GRIP2: variants seen among roughly 807,000 people sequenced by gnomAD.
GRIP2 encodes glutamate receptor interacting protein 2.
In GRIP2, 58 loss-of-function variants were observed where a neutral mutation model predicts 108.3. That is an observed-to-expected ratio of 0.54 (90% CI 0.43 to 0.67). The LOEUF (loss-of-function observed/expected upper bound fraction) is 0.67, where lower values mean the gene tolerates loss of function less well. Among genes scored for constraint, GRIP2 ranks in the 30% least tolerant of loss-of-function variants. The pLI is 0.00. For synonymous variants in GRIP2, 586 were observed against 598.2 expected (o/e 0.98, Z 0.30); for missense variants, 1,278 against 1,430.6 (o/e 0.89, Z 1.72).
intron 1 of GRIP2, among the ~76,000 whole-genome samples, chr3:14,555,169 AGGCTGG>A (rs1695216423): frequency 6.6e-6 from 1 of 152,026 alleles, no homozygotes; most frequent in African/African-American, 2.4e-5. Flanking sequence ...CACCCGGCAC[AGGCTGG>A]GGCTCAGCAC....
In GRIP2 at chr3:14,507,511, G is replaced by T; in HGVS notation, c.2218+50C>A. The T allele has an allele frequency of 1.3e-6, 2 of 1,599,386 alleles. No homozygotes were observed. The highest frequency in any genetic ancestry group is 1.7e-6 in the Non-Finnish European group (2 of 1,168,008). On this transcript the variant is annotated intron_variant, in intron 18 of 23. Transcript: ENST00000621039. This position sits in a 1 kb window ranked among gnomAD's most constrained non-coding sequence, Gnocchi z 4.6. ...AGGCAAAGCCTGGCACAGAGGGATT[G>T]CCCTTCCTAAACCTGCTGGGTGGCT...
chr3:14,503,839 C>T (rs976617213), intron 20 of GRIP2, 168 bp from the exon 21 acceptor site: 5 of 601,212 alleles, frequency 8.3e-6, no homozygotes, highest in Non-Finnish European at 5.9e-6. Context: ...GGCCCCGGGG[C>T]AGTGGTTGGT....
rs146754074 is a variant in GRIP2, at chr3:14,553,992, C to T, written c.55+1908G>A. Among the ~76,000 whole-genome samples the T allele has an allele frequency of 8.7e-4, 133 of 152,218 alleles. 1 individual carries two copies. The highest frequency in any genetic ancestry group is 3.1e-3 in the African/African-American group (127 of 41,544). On this transcript the variant is annotated intron_variant, in intron 1 of 23. Transcript: ENST00000637182. Reference sequence around the variant, plus strand: ...TCCTTTGCTTATTTTCTATTAAGAGCTATGCTGGCCCCAGATGTGACTGCC... The same window carrying T: ...TCCTTTGCTTATTTTCTATTAAGAGTTATGCTGGCCCCAGATGTGACTGCC...
upstream of GRIP2, among the ~76,000 whole-genome samples, chr3:14,546,766 T>G (rs1485292445): frequency 6.6e-6 from 1 of 152,030 alleles, no homozygotes; most frequent in Non-Finnish European, 1.5e-5. Flanking sequence ...CCCACTTGAC[T>G]CTCCTCAAAA....
the GRIP2 span, among the ~76,000 whole-genome samples, chr3:14,575,705 C>T: frequency 6.6e-6 from 1 of 152,212 alleles, no homozygotes; most frequent in East Asian, 1.9e-4. Flanking sequence ...GGCCCTTTAA[C>T]AAAAGGGTGG....
chr3:14,574,782 A>C, the GRIP2 span: 2 of 376,328 alleles, frequency 5.3e-6, no homozygotes, highest in Non-Finnish European at 1.0e-5. Flanking sequence ...CTTGGCCACC[A>C]ACTCTCGCTT....
At chr3:14,597,640 G>A in the GRIP2 span, among the ~76,000 whole-genome samples, 1 of 152,180 alleles carries the variant, frequency 6.6e-6, no homozygotes, top group Non-Finnish European at 1.5e-5. Flanking sequence ...ACTTTGATGG[G>A]TTTTGTGTTT....
chr3:14,540,482 T>C, upstream of GRIP2: 1 of 1,458,744 alleles, frequency 6.9e-7, no homozygotes. This position sits in a 1 kb window ranked among gnomAD's most constrained non-coding sequence, Gnocchi z 4.1. Context: ...ACATGGCTAT[T>C]GTCAAGGCTG....
intron 22 of GRIP2, 92 bp from the exon 23 acceptor site, chr3:14,495,081 G>A (rs1033489050): frequency 4.6e-5 from 69 of 1,504,958 alleles, no homozygotes; most frequent in Middle Eastern, 4.4e-4. Flanking sequence ...GGCATTCAGC[G>A]CCTCTGGCCA....
upstream of GRIP2, among the ~76,000 whole-genome samples, chr3:14,557,735 G>T (rs115540451): frequency 6.6e-6 from 1 of 152,260 alleles, no homozygotes; most frequent in Non-Finnish European, 1.5e-5. Flanking sequence ...GTTGAGAGGC[G>T]TGAGCCTCTA....
chr3:14,499,159 C>T (rs971263143), intron 21 of GRIP2, among the ~76,000 whole-genome samples: 5 of 152,308 alleles, frequency 3.3e-5, no homozygotes, highest in Non-Finnish European at 5.9e-5. Flanking sequence ...CGGAATCTGC[C>T]TTCCACAATA....
chr3:14,515,955 T>A (rs778128720), intron 11 of GRIP2, among the ~76,000 whole-genome samples: 1 of 152,082 alleles, frequency 6.6e-6, no homozygotes, highest in African/African-American at 2.4e-5. Context: ...CACTACTATG[T>A]CCCCATAGTA....
chr3:14,559,524 A>G, upstream of GRIP2, among the ~76,000 whole-genome samples: 1 of 151,820 alleles, frequency 6.6e-6, no homozygotes, highest in East Asian at 1.9e-4. Context: ...GTTGGGCCCA[A>G]GAGAAGACAA....
At chr3:14,518,594 G>A (rs1694319471) in intron 9 of GRIP2, among the ~76,000 whole-genome samples, 1 of 152,066 alleles carries the variant, frequency 6.6e-6, no homozygotes, top group African/African-American at 2.4e-5. Context: ...CCTCCAAACT[G>A]GCCACCATAC....
upstream of GRIP2, among the ~76,000 whole-genome samples, chr3:14,559,457 G>T (rs1575039729): frequency 7.2e-6 from 1 of 139,348 alleles, no homozygotes; most frequent in Non-Finnish European, 1.6e-5. Context: ...AAAAAAAAAA[G>T]GAGCCAAGAG....
chr3:14,565,354 GC>G, the GRIP2 span, among the ~76,000 whole-genome samples: 1 of 152,194 alleles, frequency 6.6e-6, no homozygotes, highest in Non-Finnish European at 1.5e-5. Flanking sequence ...CAAGTGCTGG[GC>G]TCCCAGACGG....
chr3:14,587,465 T>A, the GRIP2 span, among the ~76,000 whole-genome samples: 1 of 151,816 alleles, frequency 6.6e-6, no homozygotes, highest in African/African-American at 2.4e-5. Flanking sequence ...ATAGTGAAAC[T>A]CCATCTCTAC....
chr3:14,561,549 G>C, the GRIP2 span, among the ~76,000 whole-genome samples: 1 of 152,214 alleles, frequency 6.6e-6, no homozygotes, highest in Non-Finnish European at 1.5e-5. Flanking sequence ...GAGCCCAGGA[G>C]ATAGGTTAAA....
At chr3:14,547,584 G>A (rs887806909) in intron 1 of GRIP2, among the ~76,000 whole-genome samples, 8 of 152,104 alleles carry the variant, frequency 5.3e-5, no homozygotes, top group African/African-American at 1.9e-4. Flanking sequence ...GAGTTTGGAG[G>A]GAGAGAGGGA....
Sources: gnomAD v4.1 joint callset for allele counts (sites outside exome capture counted in the v4.1 genomes callset) on GRCh38, gnomAD v4.1.1 for gene constraint, Gnocchi (gnomAD v3.1) non-coding constraint, MANE v1.5 for transcripts, NCBI Gene and HGNC (gene_info 2026-07-23, HGNC 2026-07-21) for gene names.